Variants in SLC25A21 observed in about 807,000 individuals in gnomAD.
SLC25A21 encodes the protein mitochondrial 2-oxodicarboxylate carrier.
In SLC25A21, 47 loss-of-function variants were observed where a neutral mutation model predicts 43.8. The ratio of observed to expected loss-of-function variants is 1.07; its 90% CI spans 0.85 to 1.37. The LOEUF (loss-of-function observed/expected upper bound fraction) is 1.37. Among genes scored for constraint, SLC25A21 ranks in the 40% most tolerant of loss-of-function variants. The pLI, the probability that SLC25A21 is intolerant of heterozygous loss-of-function variation, is 0.00. For synonymous variants in SLC25A21, 131 were observed against 121.3 expected (o/e 1.08, Z -0.52); for missense variants, 352 against 350.2 (o/e 1.00, Z -0.04).
At chr14:36,741,326 T>A (rs1489111698) in intron 3 of SLC25A21, among the ~76,000 whole-genome samples, 3 of 152,186 alleles carry the variant, frequency 2.0e-5, no homozygotes, top group Non-Finnish European at 2.9e-5. Context: ...AGAAAAACAG[T>A]GTAGCTGCTT....
chr14:36,871,194 G>A (rs1890362930), intron 2 of SLC25A21, among the ~76,000 whole-genome samples: 1 of 151,998 alleles, frequency 6.6e-6, no homozygotes, highest in Non-Finnish European at 1.5e-5. Flanking sequence ...CCTTTAGGAG[G>A]TCATGAGGGT....
intron 2 of SLC25A21, among the ~76,000 whole-genome samples, chr14:36,845,908 G>A (rs573909855): frequency 1.3e-5 from 2 of 152,302 alleles, no homozygotes; most frequent in South Asian, 4.1e-4. Flanking sequence ...TACGGTTGGA[G>A]TGTAACAGAT....
intron 3 of SLC25A21, among the ~76,000 whole-genome samples, chr14:36,790,501 T>A (rs1233355500): frequency 1.3e-5 from 2 of 152,164 alleles, no homozygotes; most frequent in African/African-American, 4.8e-5. Flanking sequence ...GGATTCAGCA[T>A]TCTGAATTCA....
At chr14:36,873,170 C>G (rs1890422464) in intron 2 of SLC25A21, among the ~76,000 whole-genome samples, 1 of 152,116 alleles carries the variant, frequency 6.6e-6, no homozygotes, top group Admixed American at 6.6e-5. Context: ...AACATGGAAT[C>G]TAAGAAGGAA....
intron 1 of SLC25A21, among the ~76,000 whole-genome samples, chr14:37,161,612 C>A (rs1484907740): frequency 6.6e-6 from 1 of 151,876 alleles, no homozygotes; most frequent in Non-Finnish European, 1.5e-5. Context: ...TACAGTGAAC[C>A]CTAATCCAAT....
chr14:36,972,316 C>T (rs529125282), intron 1 of SLC25A21, among the ~76,000 whole-genome samples: 2 of 152,244 alleles, frequency 1.3e-5, no homozygotes, highest in South Asian at 2.1e-4. Context: ...AGAATGTATT[C>T]CCATCATTAA....
At chr14:37,043,761 G>A (rs950271853) in intron 1 of SLC25A21, among the ~76,000 whole-genome samples, 1 of 151,970 alleles carries the variant, frequency 6.6e-6, no homozygotes, top group African/African-American at 2.4e-5. Flanking sequence ...TTAAGAGACA[G>A]GGTCTTGCGC....
At chr14:36,790,471 T>G (rs1887446206) in intron 3 of SLC25A21, among the ~76,000 whole-genome samples, 1 of 152,142 alleles carries the variant, frequency 6.6e-6, no homozygotes, top group Non-Finnish European at 1.5e-5. Flanking sequence ...TACTCTGCTT[T>G]AGCTCACAGA....
At chr14:37,019,805 C>A (rs919708952) in intron 1 of SLC25A21, among the ~76,000 whole-genome samples, 1 of 151,632 alleles carries the variant, frequency 6.6e-6, no homozygotes, top group Non-Finnish European at 1.5e-5. Flanking sequence ...TGGTGAAGAA[C>A]TAAGGAGGCT....
At chr14:36,717,783 AGT>A (rs1394076796) in intron 6 of SLC25A21, among the ~76,000 whole-genome samples, 2 of 152,218 alleles carry the variant, frequency 1.3e-5, no homozygotes. Context: ...CATCTATGTT[AGT>A]GTTCAGTTTC....
At chr14:36,733,921 G>T (rs2139227594) in intron 4 of SLC25A21, among the ~76,000 whole-genome samples, 1 of 152,206 alleles carries the variant, frequency 6.6e-6, no homozygotes, top group East Asian at 1.9e-4. Context: ...AACCTCTACA[G>T]TTATGTGGTT....
intron 1 of SLC25A21, among the ~76,000 whole-genome samples, chr14:37,067,556 C>T (rs10141752): frequency 0.21 from 32,460 of 151,880 alleles, 8,059 homozygotes; most frequent in African/African-American, 0.6. Flanking sequence ...ATACTACAAG[C>T]GGAAGGAAAG....
intron 1 of SLC25A21, among the ~76,000 whole-genome samples, chr14:36,941,824 GA>G (rs1892566091): frequency 6.6e-6 from 1 of 151,848 alleles, no homozygotes; most frequent in African/African-American, 2.4e-5. Flanking sequence ...GAGGTTGTGT[GA>G]AAATAGTGTC....
intron 7 of SLC25A21, among the ~76,000 whole-genome samples, chr14:36,702,708 A>G (rs1883335743): frequency 6.6e-6 from 1 of 152,110 alleles, no homozygotes; most frequent in Non-Finnish European, 1.5e-5. Context: ...TCATTAAGAG[A>G]GGAGCAATGC....
At chr14:36,925,594 C>T (rs1211889160) in intron 1 of SLC25A21, among the ~76,000 whole-genome samples, 2 of 152,212 alleles carry the variant, frequency 1.3e-5, no homozygotes, top group African/African-American at 4.8e-5. Context: ...CACCTGTAAT[C>T]CCAGCAGTTT....
intron 1 of SLC25A21, among the ~76,000 whole-genome samples, chr14:36,957,364 G>C (rs1316256001): frequency 6.6e-6 from 1 of 152,200 alleles, no homozygotes. Flanking sequence ...GGTGAAACAG[G>C]CTGAATGCAG....
At chr14:36,685,353 G>A (rs987694271) in intron 7 of SLC25A21, among the ~76,000 whole-genome samples, 1 of 152,156 alleles carries the variant, frequency 6.6e-6, no homozygotes, top group Non-Finnish European at 1.5e-5. Context: ...ATTTGTGTGT[G>A]GACCCCCAAA....
intron 2 of SLC25A21, among the ~76,000 whole-genome samples, chr14:36,819,289 G>A (rs1888550588): frequency 6.6e-6 from 1 of 152,174 alleles, no homozygotes; most frequent in African/African-American, 2.4e-5. Context: ...GTGAGTTACT[G>A]TGGTAGCCAA....
At chr14:36,705,872 G>A (rs1482209300) in intron 7 of SLC25A21, among the ~76,000 whole-genome samples, 1 of 152,130 alleles carries the variant, frequency 6.6e-6, no homozygotes, top group Non-Finnish European at 1.5e-5. Context: ...AAAGTGAATG[G>A]CCAGAGACAG....
Sources: gnomAD v4.1 joint callset for allele counts (sites outside exome capture counted in the v4.1 genomes callset) on GRCh38, gnomAD v4.1.1 for gene constraint, MANE v1.5 for transcripts, NCBI Gene and HGNC (gene_info 2026-07-23, HGNC 2026-07-21) for gene names.